UQCC1: variants seen among roughly 807,000 people sequenced by gnomAD.
UQCC1 encodes bFGF-repressed Zic-binding protein.
In UQCC1, 38 loss-of-function variants were observed where a neutral mutation model predicts 48.0. The observed-to-expected ratio is 0.79, with a 90% CI of 0.61 to 1.04. The LOEUF is 1.04. Among genes scored for constraint, UQCC1 ranks in the 50% least tolerant of loss-of-function variants. The pLI is 0.00. For synonymous variants in UQCC1, 111 were observed against 129.2 expected, an observed-to-expected ratio of 0.86 and a Z score of 0.95; for missense variants, 368 against 381.8, an observed-to-expected ratio of 0.96 and a Z score of 0.30.
chr20:35,360,907 G>T (rs960341050), intron 6 of UQCC1, among the ~76,000 whole-genome samples: 3 of 152,100 alleles, frequency 2.0e-5, no homozygotes, highest in African/African-American at 7.2e-5. Context: ...AATCAGAAAG[G>T]AAGCAAAGTG....
At chr20:35,396,969 A>G (rs933290112) in intron 1 of UQCC1, among the ~76,000 whole-genome samples, 1 of 152,186 alleles carries the variant, frequency 6.6e-6, no homozygotes, top group South Asian at 2.1e-4. Context: ...AGCATAATGT[A>G]TAACACAGTC....
intron 7 of UQCC1, chr20:35,346,910 G>T (rs1295454191): frequency 1.5e-6 from 2 of 1,331,126 alleles, no homozygotes; most frequent in Non-Finnish European, 1.0e-6. Context: ...CCACGATTTG[G>T]GCTTTACAAT....
At chr20:35,351,148 T>C (rs1280518115) in intron 6 of UQCC1, among the ~76,000 whole-genome samples, 1 of 152,086 alleles carries the variant, frequency 6.6e-6, no homozygotes, top group Non-Finnish European at 1.5e-5. Context: ...CCCAGCACTT[T>C]GGGAGGCTGA....
rs72469122 is a variant in UQCC1 at position 35,367,092 on chromosome 20, T to TAAAAA, written c.407-483_407-479dup. On this transcript the variant is annotated intron_variant, in intron 5 of 9. Coordinates refer to ENST00000374385, the MANE Select transcript of UQCC1 (RefSeq NM_018244.5). ...CTGGGCAATAGAGTGAGACTCTGTC[T>TAAAAA]AAAAAAAAAAAAAAAAACAAACAAA... 1.2e-3 allele frequency among the ~76,000 whole-genome samples: 121 copies of TAAAAA among 101,596 alleles called. 2 individuals carry two copies. The highest frequency in any genetic ancestry group is 5.4e-3 in the Middle Eastern group (1 of 186). The allele number at this position is 101,596 out of a possible 152,430, so 66.7% of individuals were successfully genotyped here. A position where few individuals can be genotyped will look rare whatever the true frequency, so the allele number is the denominator to read the frequency against.
chr20:35,325,876 C>T (rs984293131), intron 7 of UQCC1, among the ~76,000 whole-genome samples: 2 of 150,350 alleles, frequency 1.3e-5, no homozygotes, highest in African/African-American at 4.9e-5. Context: ...AAAACACACA[C>T]AAAAAAAACA....
chr20:35,310,570 C>T (rs1350112385), intron 8 of UQCC1, among the ~76,000 whole-genome samples: 15 of 134,096 alleles, frequency 1.1e-4, no homozygotes, highest in African/African-American at 3.4e-4. Flanking sequence ...CCCTTAAACC[C>T]GGGAGGTGGA....
chr20:35,367,279 C>T lies in UQCC1; in HGVS notation c.407-665G>A, dbSNP rs553747455. ...GATTTCTATGGTTCCTTCCAGCTTC[C>T]GTGTGCTTCTACAGTATTTTCCCTC... On this transcript the variant is annotated intron_variant, in intron 5 of 9. Coordinates refer to ENST00000374385, the MANE Select transcript of UQCC1 (RefSeq NM_018244.5). 1.4e-4 allele frequency among the ~76,000 whole-genome samples: 21 copies of T among 152,132 alleles called. No homozygotes were observed. In the East Asian group the frequency reaches 2.3e-3, roughly 17 times the overall value.
At chr20:35,398,479 AC>A (rs1027883753) in intron 1 of UQCC1, among the ~76,000 whole-genome samples, 1 of 152,166 alleles carries the variant, frequency 6.6e-6, no homozygotes, top group African/African-American at 2.4e-5. Context: ...AAATTTTTAA[AC>A]CTACAGATGC....
intron 8 of UQCC1, among the ~76,000 whole-genome samples, chr20:35,311,313 T>C (rs960196910): frequency 1.3e-5 from 2 of 152,128 alleles, no homozygotes; most frequent in East Asian, 1.9e-4. Flanking sequence ...TCCCAAAGCG[T>C]CCAGGGAGGG....
At chr20:35,306,829 G>C (rs753201944) in intron 8 of UQCC1, 50 bp from the exon 9 acceptor site, 1 of 1,408,164 alleles carries the variant, frequency 7.1e-7, no homozygotes, top group Admixed American at 1.7e-5. Flanking sequence ...ACAGAGCCAG[G>C]ACACAGACGG....
At chr20:35,345,043 C>G (rs879931775) in intron 7 of UQCC1, 2 of 152,286 alleles carry the variant, frequency 1.3e-5, no homozygotes, top group Non-Finnish European at 2.9e-5. Context: ...TTCTGGACAG[C>G]TGCACACCAG....
chr20:35,365,627 A>T (rs2061657295), intron 6 of UQCC1, among the ~76,000 whole-genome samples: 1 of 148,952 alleles, frequency 6.7e-6, no homozygotes, highest in African/African-American at 2.5e-5. Context: ...ACTGCACTTC[A>T]GCCTAGGCAG....
At chr20:35,385,288 G>C (rs6060390) in intron 2 of UQCC1, among the ~76,000 whole-genome samples, 77 of 152,238 alleles carry the variant, frequency 5.1e-4, no homozygotes, top group African/African-American at 1.8e-3. Context: ...ATCATCACCA[G>C]CATTATTGTT....
rs1334625804 is a variant in UQCC1, at chr20:35,302,732, CAGG to C, written c.*1200_*1202del. The C allele has an allele frequency of 6.6e-6, 1 of 152,246 alleles. No homozygotes were observed. The highest frequency in any genetic ancestry group is 1.5e-5 in the Non-Finnish European group (1 of 68,046). 9.4% of individuals were successfully genotyped at this position (152,246 alleles called of 1,614,324 possible). ...AAGGTGTTATTATCTCACACACACA[CAGG>C]AGGCTTCACTCTAGAGCTCCGCTCG... On this transcript the variant is annotated 3_prime_UTR_variant, in exon 10 of 10. Transcript: ENST00000374385.
intron 7 of UQCC1, among the ~76,000 whole-genome samples, chr20:35,329,838 A>G (rs916755370): frequency 5.3e-5 from 8 of 152,226 alleles, no homozygotes; most frequent in Non-Finnish European, 1.5e-5. Context: ...CAGTGCCTGT[A>G]TGTCTTACTA....
intron 7 of UQCC1, among the ~76,000 whole-genome samples, chr20:35,339,691 G>T (rs2061356972): frequency 6.6e-6 from 1 of 152,098 alleles, no homozygotes; most frequent in African/African-American, 2.4e-5. Flanking sequence ...GAATTTCAAA[G>T]AATTTTTAAA....
At chr20:35,403,558 T>C (rs1467616084) in intron 1 of UQCC1, among the ~76,000 whole-genome samples, 1 of 152,194 alleles carries the variant, frequency 6.6e-6, no homozygotes, top group Non-Finnish European at 1.5e-5. Flanking sequence ...ATCCCATTAC[T>C]GGGTATATGC....
At chr20:35,309,178 T>G in intron 8 of UQCC1, 1 of 456,002 alleles carries the variant, frequency 2.2e-6, no homozygotes, top group Non-Finnish European at 4.4e-6. Context: ...AATGGCTGAA[T>G]ACCCAGCACT....
At chr20:35,338,909 G>A (rs369075439) in intron 7 of UQCC1, among the ~76,000 whole-genome samples, 5 of 33,806 alleles carry the variant, frequency 1.5e-4, no homozygotes, top group African/African-American at 5.7e-4. Context: ...ATATATATAT[G>A]GAGAGATTTT....
Sources: allele counts gnomAD v4.1 joint callset (sites outside exome capture counted in the v4.1 genomes callset), GRCh38; gene constraint gnomAD v4.1.1; transcripts MANE v1.5; gene names NCBI Gene and HGNC (gene_info 2026-07-23, HGNC 2026-07-21).